CCT5: variants seen among roughly 807,000 people sequenced by gnomAD.
The protein encoded by CCT5 is T-complex protein 1 subunit epsilon.
A neutral mutation model predicts 55.0 loss-of-function variants in CCT5; 6 were observed. The ratio of observed to expected loss-of-function variants is 0.11; its 90% CI spans 0.06 to 0.22. CCT5 has a LOEUF of 0.22. Ranked by LOEUF, CCT5 falls within the 10% of genes least tolerant of loss-of-function variation. The probability of loss-of-function intolerance (pLI) is 1.00; values close to 1 mark genes in which losing one functional copy is unlikely to be tolerated. For synonymous variants in CCT5, 231 were observed against 243.7 expected (o/e 0.95, Z 0.49); for missense variants, 560 against 694.6 (o/e 0.81, Z 2.18).
In CCT5 at chr5:10,261,547, C is replaced by T. The variant is rs1745959498; in HGVS notation, c.994-13C>T. 6.2e-7 allele frequency: 1 copy of T among 1,613,554 alleles called. No individual in the cohort carries two copies. The highest frequency in any genetic ancestry group is 8.5e-7 in the Non-Finnish European group (1 of 1,179,664). ...GTACTGTCTTCATCCTTCTCCCTGA[C>T]CACCCCAATTAGCTGATTGCCATCG... On this transcript the variant is annotated splice_polypyrimidine_tract_variant and intron_variant, in intron 7 of 10. Transcript: ENST00000280326.
intron 2 of CCT5, 145 bp downstream of exon 2, chr5:10,254,350 T>C: frequency 1.4e-6 from 1 of 689,720 alleles, no homozygotes; most frequent in Non-Finnish European, 2.6e-6. Context: ...TATTTCAGGT[T>C]TCTTAAACAT....
chr5:10,262,359 G>T, intron 8 of CCT5, 122 bp from the exon 9 acceptor site: 1 of 1,042,046 alleles, frequency 9.6e-7, no homozygotes, highest in South Asian at 1.3e-5. Flanking sequence ...AATATTATCC[G>T]ATAGTGGAGG....
At chr5:10,256,226 A>G (rs1745671146) in intron 4 of CCT5, 73 bp downstream of exon 4, 1 of 1,247,856 alleles carries the variant, frequency 8.0e-7, no homozygotes, top group Non-Finnish European at 1.2e-6. Context: ...TAAAGGCAAC[A>G]CAAAATGACC....
intron 10 of CCT5, chr5:10,264,455 G>A: frequency 1.8e-6 from 1 of 549,368 alleles, no homozygotes; most frequent in Non-Finnish European, 3.3e-6. Flanking sequence ...TTTACCAGGT[G>A]CGAGTTCCAG....
upstream of CCT5, chr5:10,249,965 C>A: frequency 2.0e-6 from 3 of 1,523,346 alleles, no homozygotes; most frequent in South Asian, 3.6e-5. Context: ...CTTCTCGGAG[C>A]CGGAGTGCGA....
Position 10,250,309 on chromosome 5 carries a change from G to T in CCT5, c.-32G>T. On this transcript the variant is annotated 5_prime_UTR_variant, in exon 1 of 11. Coordinates refer to ENST00000280326, the MANE Select transcript of CCT5 (RefSeq NM_012073.5). ...TCTCGCTTCCGTAGCGGTCTCCGCC[G>T]GTTGGGGGGAAGTAATTCCGGTTGT... 6.2e-7 allele frequency: 1 copy of T among 1,613,736 alleles called. No individual in the cohort carries two copies. Among genetic ancestry groups the T allele is most frequent in the Non-Finnish European group, 8.5e-7 (1 of 1,179,998 alleles).
rs1282814870 is a variant in CCT5, at chr5:10,250,638, C to T, written c.105+193C>T. 5 of 1,425,720 alleles carry T rather than the reference C, an allele frequency of 3.5e-6. No individual in the cohort carries two copies. The East Asian group carries it at 7.6e-5, about 22-fold the overall frequency. 88.3% of individuals were successfully genotyped at this position (1,425,720 alleles called of 1,614,324 possible). ...AGACGCCGGCGCCTAATCCTGGGCT[C>T]GGAATGTGGGGGCCAGCCAGGCTGG... is the stretch of plus-strand genomic sequence containing the variant. On this transcript the variant is annotated intron_variant, in intron 1 of 10. Transcript: ENST00000280326.
chr5:10,263,114 A>G lies in CCT5; in HGVS notation c.1318-20A>G. ...TTTTGTTTCGCCAAGTGCACTCACC[A>G]TACTTCTGTACCTTTCCAGTGCCCC... On this transcript the variant is annotated intron_variant, in intron 9 of 10. Transcript: ENST00000280326. The G allele has an allele frequency of 6.2e-7, 1 of 1,613,312 alleles. No individual in the cohort carries two copies. The highest frequency in any genetic ancestry group is 8.5e-7 in the Non-Finnish European group (1 of 1,179,368).
At chr5:10,250,129 C>G, upstream of CCT5, 1 of 1,534,968 alleles carries the variant, frequency 6.5e-7, no homozygotes, top group South Asian at 1.2e-5. Flanking sequence ...AAACCTCCCC[C>G]TCCCCGGCTT....
rs1351024571 is a variant in CCT5 at position 10,258,455 on chromosome 5, A to G, written c.793A>G (p.Lys265Glu). The change falls in exon 6 of 11, where the codon AAG (lysine) becomes GAG (glutamate). Residue 265 changes from lysine (K) to glutamate (E), a missense_variant. This residue lies in a region of CCT5 where 256 missense variants were observed against 372.4 expected (regional missense o/e 0.69). Transcript: ENST00000280326. The part of the protein sequence containing the change: ...FEPPKPKTKH[K>E]LDVTSVEDYK... ...ACCACCCAAACCAAAAACAAAGCAT[A>G]AGCTGGATGTGACCTCTGTCGAAGA... 1 of 1,614,048 alleles carries G rather than the reference A, an allele frequency of 6.2e-7. No homozygotes were observed. Among genetic ancestry groups the G allele is most frequent in the South Asian group, 1.1e-5 (1 of 91,088 alleles).
intron 10 of CCT5, 69 bp downstream of exon 10, chr5:10,263,383 G>GCACA: frequency 7.2e-7 from 1 of 1,387,228 alleles, no homozygotes; most frequent in Non-Finnish European, 1.0e-6. Flanking sequence ...ATCATCCACT[G>GCACA]TATGTGCTGT....
At chr5:10,255,690 C>T (rs1436036274) in intron 3 of CCT5, among the ~76,000 whole-genome samples, 1 of 152,068 alleles carries the variant, frequency 6.6e-6, no homozygotes, top group South Asian at 2.1e-4. Flanking sequence ...GAAAAATGTT[C>T]TTTTTACATT....
At position 10,262,573 on chromosome 5, in the gene CCT5, T is replaced by C. The variant is rs752947134; in HGVS notation, c.1272T>C (p.Ala424=). 1 of 1,614,246 alleles carries C rather than the reference T, an allele frequency of 6.2e-7. No homozygotes were observed. Among genetic ancestry groups the C allele is most frequent in the Admixed American group, 1.7e-5 (1 of 60,026 alleles). ...ATCGTGTGGTGTATGGAGGAGGGGC[T>C]GCTGAGATATCCTGTGCCCTGGCAG... ...RDNRVVYGGG[A]AEISCALAVS... Residue 424 remains alanine (A), a synonymous_variant, in exon 9 of 11, where the codon GCT becomes GCC. Transcript: ENST00000280326.
intron 6 of CCT5, among the ~76,000 whole-genome samples, chr5:10,259,916 G>T (rs1256302709): frequency 1.3e-5 from 2 of 152,216 alleles, no homozygotes; most frequent in African/African-American, 4.8e-5. Flanking sequence ...ATGAGAGGCA[G>T]GGACCCAAAG....
intron 8 of CCT5, chr5:10,262,179 T>A (rs1746000058): frequency 2.4e-6 from 1 of 421,242 alleles, no homozygotes; most frequent in Admixed American, 3.5e-5. Flanking sequence ...TGAATAACCA[T>A]TGACGATCTC....
intron 6 of CCT5, among the ~76,000 whole-genome samples, chr5:10,258,786 T>TC (rs1398505159): frequency 6.6e-6 from 1 of 152,118 alleles, no homozygotes; most frequent in African/African-American, 2.4e-5. Flanking sequence ...GATCGTGAGA[T>TC]CATCGAGACC....
rs1171578754 is a variant in CCT5, at chr5:10,266,104, A to G, written c.*1321A>G. On this transcript the variant is annotated 3_prime_UTR_variant, in exon 11 of 11. Coordinates refer to ENST00000280326, the MANE Select transcript of CCT5 (RefSeq NM_012073.5). ...CTTCCTAATTTTCATGTTTATATGGAACTATGCAGTTGAGTATTGAAAGCT... is the reference window on the plus strand; with the variant it reads ...CTTCCTAATTTTCATGTTTATATGGGACTATGCAGTTGAGTATTGAAAGCT... 1 of 152,184 alleles carries G rather than the reference A, an allele frequency of 6.6e-6. No homozygotes were observed. Among genetic ancestry groups the G allele is most frequent in the Admixed American group, 6.5e-5 (1 of 15,276 alleles). The allele number at this position is 152,184 out of a possible 1,614,324, so 9.4% of individuals were successfully genotyped here.
intron 7 of CCT5, chr5:10,261,219 G>T (rs1352709834): frequency 8.1e-6 from 4 of 493,664 alleles, no homozygotes; most frequent in African/African-American, 7.8e-5. Context: ...AGGCAACGGT[G>T]CCTCGGTGGT....
At chr5:10,251,846 C>T (rs980251320) in intron 1 of CCT5, among the ~76,000 whole-genome samples, 6 of 152,254 alleles carry the variant, frequency 3.9e-5, no homozygotes, top group African/African-American at 1.2e-4. Flanking sequence ...CCAATACACA[C>T]ACCTGGTGTA....
Sources: gnomAD v4.1 joint callset for allele counts (sites outside exome capture counted in the v4.1 genomes callset) on GRCh38, gnomAD v4.1.1 for gene constraint, gnomAD v4.1.1 regional missense constraint, MANE v1.5 for transcripts, NCBI Gene and HGNC (gene_info 2026-07-23, HGNC 2026-07-21) for gene names.